The following ITGAE variants were observed in gnomAD, a reference collection of about 807,000 sequenced individuals.
ITGAE encodes integrin subunit alpha E, also known as integrin alpha-E.
A neutral mutation model predicts 136.5 loss-of-function variants in ITGAE; 99 were observed. The observed-to-expected ratio is 0.73, with a 90% CI of 0.62 to 0.86. The LOEUF is 0.86. Among genes scored for constraint, ITGAE ranks in the 40% least tolerant of loss-of-function variants. The probability of loss-of-function intolerance (pLI) is 0.00; values close to 1 mark genes in which losing one functional copy is unlikely to be tolerated. For missense variants in ITGAE, 1,447 were observed against 1,515.3 expected (o/e 0.95, Z 0.75); for synonymous variants, 613 against 591.8 (o/e 1.04, Z -0.52).
rs2051983883 is a variant in ITGAE at position 3,755,115 on chromosome 17, A to T, written c.1384+2T>A. On this transcript the variant is annotated splice_donor_variant, in intron 12 of 30. Coordinates refer to ENST00000263087, the MANE Select transcript of ITGAE (RefSeq NM_002208.5). LOFTEE classifies it high-confidence loss of function. ...GCCCTCATCAGGTGGCCCCGCCCTC[A>T]CCCAGGTAGCTGTACTGCGCAGCCT... 6.4e-7 allele frequency: 1 copy of T among 1,565,596 alleles called. No individual in the cohort carries two copies. Among genetic ancestry groups the T allele is most frequent in the African/African-American group, 1.4e-5 (1 of 72,752 alleles).
chr17:3,755,015 G>A lies in ITGAE; in HGVS notation c.1384+102C>T, dbSNP rs1597336169. ...CCCCACCCTCGCCCAGGTAGGCCCC[G>A]CCCTCGCCCACGTAGCCCTCAGGCC... On this transcript the variant is annotated intron_variant, in intron 12 of 30. Transcript: ENST00000263087. 7 of 190,478 alleles carry A rather than the reference G, an allele frequency of 3.7e-5. No individual in the cohort carries two copies. In the East Asian group the frequency reaches 9.9e-4, roughly 27 times the overall value. 11.8% of individuals were successfully genotyped at this position (190,478 alleles called of 1,614,324 possible).
At chr17:3,779,857 C>T (rs75787580) in intron 1 of ITGAE, among the ~76,000 whole-genome samples, 1 of 152,150 alleles carries the variant, frequency 6.6e-6, no homozygotes, top group South Asian at 2.1e-4. Context: ...AGAGGTTTTG[C>T]CAATTCATAC....
intron 1 of ITGAE, among the ~76,000 whole-genome samples, chr17:3,783,358 C>A (rs987187233): frequency 6.6e-6 from 1 of 152,222 alleles, no homozygotes; most frequent in South Asian, 2.1e-4. Context: ...CCAGGCTGGT[C>A]TCATACTCGT....
At chr17:3,724,446 T>C in intron 26 of ITGAE, 1 of 1,613,566 alleles carries the variant, frequency 6.2e-7, no homozygotes, top group Non-Finnish European at 8.5e-7. Flanking sequence ...CCTGTTCAGC[T>C]CTCTGGCCTC....
Position 3,751,730 on chromosome 17 carries a change from C to T in ITGAE, c.1813G>A (p.Gly605Arg). The T allele has an allele frequency of 6.2e-7, 1 of 1,614,076 alleles. No homozygotes were observed. The highest frequency in any genetic ancestry group is 8.5e-7 in the Non-Finnish European group (1 of 1,179,978). ...VAIGAPLEGF[G>R]ADDGASFGSV... The stretch of plus-strand genomic sequence containing the variant: ...CCGAAGCTGGCACCATCATCTGCCC[C>T]AAAACCTTCCAGGGGGGCCCCGATG... Residue 605 changes from glycine to arginine, a missense_variant, in exon 15 of 31, where the codon GGG becomes AGG. This residue lies in a region of ITGAE where 1,031 missense variants were observed against 1,011.4 expected (regional missense o/e 1.02). Coordinates refer to ENST00000263087, the MANE Select transcript of ITGAE (RefSeq NM_002208.5).
intron 26 of ITGAE, among the ~76,000 whole-genome samples, chr17:3,727,217 A>T (rs1160974253): frequency 6.6e-6 from 1 of 152,156 alleles, no homozygotes; most frequent in Non-Finnish European, 1.5e-5. Context: ...GACAACTGAA[A>T]GCAAAGAGGC....
At chr17:3,772,467 C>CT (rs72134638) in intron 2 of ITGAE, among the ~76,000 whole-genome samples, 6,304 of 137,368 alleles carry the variant, frequency 0.046, 515 homozygotes, top group African/African-American at 0.15. Flanking sequence ...GGTGAGCAGA[C>CT]TTTTTTTTTT....
At chr17:3,718,137 T>C (rs2875740) in intron 29 of ITGAE, 96,867 of 152,196 alleles carry the variant, frequency 0.64, 31,894 homozygotes, top group African/African-American at 0.76. Context: ...TCTCTCCTTT[T>C]GGATTTTATT....
intron 1 of ITGAE, among the ~76,000 whole-genome samples, chr17:3,783,388 C>T (rs111843735): frequency 0.055 from 8,336 of 152,278 alleles, 262 homozygotes; most frequent in African/African-American, 0.082. Flanking sequence ...AAGAGATCCG[C>T]CCGCCTCAGC....
chr17:3,737,518 G>A (rs2051486016), intron 20 of ITGAE, among the ~76,000 whole-genome samples: 1 of 151,954 alleles, frequency 6.6e-6, no homozygotes, highest in African/African-American at 2.4e-5. Flanking sequence ...AGACCCAAGG[G>A]TGGAAGAAGA....
At chr17:3,770,376 G>A (rs576469097) in intron 2 of ITGAE, among the ~76,000 whole-genome samples, 4 of 151,550 alleles carry the variant, frequency 2.6e-5, no homozygotes, top group Non-Finnish European at 5.9e-5. Flanking sequence ...GTGATCTGCC[G>A]GCCTCAGCCT....
At chr17:3,782,765 G>A (rs1385419680) in intron 1 of ITGAE, among the ~76,000 whole-genome samples, 1 of 152,122 alleles carries the variant, frequency 6.6e-6, no homozygotes, top group Non-Finnish European at 1.5e-5. Flanking sequence ...CTCTTGAAAA[G>A]CTATACAACT....
chr17:3,747,442 C>T (rs190144982), intron 17 of ITGAE, among the ~76,000 whole-genome samples: 1 of 152,096 alleles, frequency 6.6e-6, no homozygotes, highest in East Asian at 1.9e-4. Context: ...CTCAGCCTCC[C>T]GAGTAGCTGG....
chr17:3,771,058 A>C (rs950392671), intron 2 of ITGAE, among the ~76,000 whole-genome samples: 4 of 152,042 alleles, frequency 2.6e-5, no homozygotes, highest in Non-Finnish European at 4.4e-5. Flanking sequence ...TGCCCTCCCC[A>C]AAAATGAGTA....
chr17:3,748,085 G>A (rs1444970409), intron 16 of ITGAE, 33 bp from the exon 17 acceptor site: 1 of 1,596,322 alleles, frequency 6.3e-7, no homozygotes. Context: ...TGGGAGAAGT[G>A]ACTGCTCAGC....
At chr17:3,719,235 C>CAAAAAA (rs746282209) in intron 29 of ITGAE, among the ~76,000 whole-genome samples, 29 of 66,118 alleles carry the variant, frequency 4.4e-4, no homozygotes, top group African/African-American at 1.1e-3. Context: ...GATTCTTCCT[C>CAAAAAA]AAAAAAAAAA....
chr17:3,746,582 C>T (rs7222145), intron 17 of ITGAE, among the ~76,000 whole-genome samples: 75,015 of 151,700 alleles, frequency 0.49, 19,949 homozygotes, highest in Non-Finnish European at 0.61. Context: ...CAGCCTCCCC[C>T]GTAGCTGGGA....
chr17:3,757,381 G>A (rs550108673), intron 9 of ITGAE, among the ~76,000 whole-genome samples: 6 of 152,120 alleles, frequency 3.9e-5, no homozygotes, highest in Non-Finnish European at 8.8e-5. Context: ...CCCTCTGCCT[G>A]CAGGGCCCCT....
chr17:3,752,984 G>T (rs979929196), intron 14 of ITGAE, among the ~76,000 whole-genome samples: 7 of 152,238 alleles, frequency 4.6e-5, no homozygotes, highest in Non-Finnish European at 8.8e-5. Context: ...GGAGGCAGAG[G>T]TTGCGGTGAG....
Sources: gnomAD v4.1 joint callset for allele counts (sites outside exome capture counted in the v4.1 genomes callset) on GRCh38, gnomAD v4.1.1 for gene constraint, gnomAD v4.1.1 regional missense constraint, MANE v1.5 for transcripts, NCBI Gene and HGNC (gene_info 2026-07-23, HGNC 2026-07-21) for gene names.